ZNF292: variants seen among roughly 807,000 people sequenced by gnomAD.
ZNF292 encodes the protein zinc finger protein 292, also known as 16 zinc-finger domain protein.
Under a neutral mutation model 217.9 loss-of-function variants are expected in ZNF292, and 26 were observed. That is an observed-to-expected ratio of 0.12 (90% CI 0.09 to 0.17). The LOEUF is 0.17. Among genes scored for constraint, ZNF292 ranks in the 10% least tolerant of loss-of-function variants. The pLI, the probability that ZNF292 is intolerant of heterozygous loss-of-function variation, is 1.00. For synonymous variants in ZNF292, 1,257 were observed against 1,124.1 expected, an observed-to-expected ratio of 1.12 and a Z score of -2.37; for missense variants, 2,904 against 3,175.2, an observed-to-expected ratio of 0.91 and a Z score of 2.05.
At chr6:87,204,128 G>T (rs936652114) in intron 1 of ZNF292, among the ~76,000 whole-genome samples, 17 of 152,164 alleles carry the variant, frequency 1.1e-4, no homozygotes, top group African/African-American at 4.1e-4. Flanking sequence ...AAAATAGGTG[G>T]CCTATAATAA....
At chr6:87,178,002 C>T (rs1258487076) in intron 1 of ZNF292, among the ~76,000 whole-genome samples, 1 of 152,102 alleles carries the variant, frequency 6.6e-6, no homozygotes, top group African/African-American at 2.4e-5. Context: ...ATGTATCCTC[C>T]CTCACTTCTG....
chr6:87,170,042 T>C (rs559079086), intron 1 of ZNF292: 1 of 152,416 alleles, frequency 6.6e-6, no homozygotes, highest in East Asian at 1.9e-4. Context: ...TTTGCAAATA[T>C]GATAGATTTC....
intron 1 of ZNF292, among the ~76,000 whole-genome samples, chr6:87,199,883 C>G (rs974727718): frequency 6.6e-6 from 1 of 152,160 alleles, no homozygotes; most frequent in Non-Finnish European, 1.5e-5. Flanking sequence ...AATCAATCAC[C>G]TTTAAAGCTG....
At chr6:87,194,942 A>G (rs893236509) in intron 1 of ZNF292, among the ~76,000 whole-genome samples, 8 of 150,582 alleles carry the variant, frequency 5.3e-5, no homozygotes, top group Non-Finnish European at 1.0e-4. Flanking sequence ...GAAAAAAAAA[A>G]ACCTGTATTC....
rs1562179816 is a variant in ZNF292, at chr6:87,254,710, T to A, written c.1081T>A (p.Ser361Thr). The A allele has an allele frequency of 2.5e-6, 4 of 1,613,908 alleles. No homozygotes were observed. The highest frequency in any genetic ancestry group is 3.4e-6 in the Non-Finnish European group (4 of 1,179,824). Residue 361 changes from serine to threonine, a missense_variant, in exon 8 of 8, where the codon TCT becomes ACT. Around this residue, in one of 15 missense-constraint regions of ZNF292, gnomAD observed 313 missense variants for 451.0 expected, o/e 0.69. Coordinates refer to ENST00000369577, the MANE Select transcript of ZNF292 (RefSeq NM_015021.3). ...GTGTGTAAAGGCTCTTCGCTTGGAG[T>A]CTACAGAAAATACTGAAGTGAAAAT... The part of the protein sequence containing the change: ...ELCVKALRLE[S>T]TENTEVKISI...
chr6:87,261,052 A>G lies in ZNF292; in HGVS notation c.7423A>G (p.Lys2475Glu), dbSNP rs753298856. 7 of 1,604,264 alleles carry G rather than the reference A, an allele frequency of 4.4e-6. No homozygotes were observed. The highest frequency in any genetic ancestry group is 6.0e-6 in the Non-Finnish European group (7 of 1,174,928). The change falls in exon 8 of 8, where the codon AAA becomes GAA. Residue 2475 changes from lysine to glutamate, a missense_variant. Lys to Glu is a moderately conservative substitution (Grantham distance 56). Around this residue, in one of 15 missense-constraint regions of ZNF292, gnomAD observed 380 missense variants for 355.3 expected, o/e 1.07. Transcript: ENST00000369577. Reference sequence around the variant, plus strand: ...TACAGTTTCACAAAAGGAAGTTGAAAAAAATGAAAAAGATGAAATGGATGA... The same window carrying G: ...TACAGTTTCACAAAAGGAAGTTGAAGAAAATGAAAAAGATGAAATGGATGA... ...TATVSQKEVE[K>E]NEKDEMDELT...
At chr6:87,187,362 A>G (rs1052089880) in intron 1 of ZNF292, among the ~76,000 whole-genome samples, 1 of 152,208 alleles carries the variant, frequency 6.6e-6, no homozygotes, top group African/African-American at 2.4e-5. Context: ...ACTTTACTAA[A>G]TCTTAATGCT....
chr6:87,235,497 T>A (rs1178588618), intron 5 of ZNF292, among the ~76,000 whole-genome samples: 1 of 152,086 alleles, frequency 6.6e-6, no homozygotes, highest in Non-Finnish European at 1.5e-5. Flanking sequence ...AAACTGACTA[T>A]CTAAGCATAG....
chr6:87,247,191 C>G (rs1231797686), intron 7 of ZNF292, among the ~76,000 whole-genome samples: 4 of 149,304 alleles, frequency 2.7e-5, no homozygotes, highest in Non-Finnish European at 5.9e-5. Context: ...AAAAAAAGAT[C>G]TTGGGCCAGC....
At chr6:87,235,796 A>G (rs1316025455) in intron 5 of ZNF292, among the ~76,000 whole-genome samples, 7 of 152,080 alleles carry the variant, frequency 4.6e-5, no homozygotes, top group South Asian at 2.1e-4. Context: ...AAGACTTTTC[A>G]TGTTCATAAG....
rs575817245 is a variant in ZNF292 at position 87,155,808 on chromosome 6, A to G, written c.168+49A>G. 42 of 1,512,236 alleles carry G rather than the reference A, an allele frequency of 2.8e-5. No homozygotes were observed. The South Asian group carries it at 5.0e-4, about 18-fold the overall frequency. 93.7% of individuals were successfully genotyped at this position (1,512,236 alleles called of 1,614,324 possible). ...CCCCCTTTCCCCAGCTAGAGGGGGA[A>G]GAGGGCGAGCGAGCGCTAGGCGGCC... On this transcript the variant is annotated intron_variant, in intron 1 of 7. Transcript: ENST00000369577.
At chr6:87,233,626 GATC>G (rs1438959578) in intron 5 of ZNF292, 99 bp downstream of exon 5, 1 of 1,492,904 alleles carries the variant, frequency 6.7e-7, no homozygotes, top group Admixed American at 2.2e-5. Flanking sequence ...ATAGCGAAGA[GATC>G]ATTGTCAATC....
chr6:87,168,153 G>A (rs947577488), intron 1 of ZNF292, among the ~76,000 whole-genome samples: 54 of 152,284 alleles, frequency 3.5e-4, no homozygotes, highest in Admixed American at 1.3e-3. Flanking sequence ...CTTTACTAAC[G>A]ATGAATTGTT....
intron 5 of ZNF292, among the ~76,000 whole-genome samples, chr6:87,243,057 CTG>C (rs149159196): frequency 0.017 from 2,534 of 151,960 alleles, 61 homozygotes; most frequent in African/African-American, 0.057. Context: ...CTGTGTGTCT[CTG>C]TTGATTCTAA....
At chr6:87,181,107 C>T (rs542320264) in intron 1 of ZNF292, among the ~76,000 whole-genome samples, 4 of 152,244 alleles carry the variant, frequency 2.6e-5, no homozygotes, top group African/African-American at 4.8e-5. Context: ...CGTCTGCAGA[C>T]GGCTTTGAGT....
intron 1 of ZNF292, among the ~76,000 whole-genome samples, chr6:87,195,889 A>C (rs113830439): frequency 6.6e-6 from 1 of 151,896 alleles, no homozygotes; most frequent in African/African-American, 2.4e-5. Flanking sequence ...TTAGCCGGGC[A>C]TGGTGGCACA....
rs1161468527 is a variant in ZNF292, at chr6:87,155,617, A to C, written c.26A>C (p.Glu9Ala). 1 of 1,583,250 alleles carries C rather than the reference A, an allele frequency of 6.3e-7. No individual in the cohort carries two copies. Among genetic ancestry groups the C allele is most frequent in the Admixed American group, 1.8e-5 (1 of 54,844 alleles). The change falls in exon 1 of 8, where the codon GAG (glutamate) becomes GCG (alanine). Residue 9 changes from glutamate to alanine, a missense_variant. This residue lies in a region of ZNF292 where 66 missense variants were observed against 44.1 expected (regional missense o/e 1.50). Transcript: ENST00000369577. MADEEAEQ[E>A]RLSCGEGGCV... Reference sequence around the variant, plus strand: ...ATGGCGGACGAAGAGGCCGAGCAGGAGAGGTTGAGTTGCGGCGAAGGCGGC... The same window carrying C: ...ATGGCGGACGAAGAGGCCGAGCAGGCGAGGTTGAGTTGCGGCGAAGGCGGC...
At position 87,259,207 on chromosome 6, in the gene ZNF292, T is replaced by A. The variant is rs1775420506; in HGVS notation, c.5578T>A (p.Cys1860Ser). 1 of 1,613,600 alleles carries A rather than the reference T, an allele frequency of 6.2e-7. No homozygotes were observed. The highest frequency in any genetic ancestry group is 8.5e-7 in the Non-Finnish European group (1 of 1,179,712). The change falls in exon 8 of 8, where the codon TGT becomes AGT. Residue 1860 changes from cysteine (C) to serine (S), a missense_variant. Around this residue, in one of 15 missense-constraint regions of ZNF292, gnomAD observed 622 missense variants for 573.1 expected, o/e 1.09. Transcript: ENST00000369577. ...ENDLSTPASQ[C>S]VLINTSVTLT... ...TGACCTATCCACTCCAGCATCCCAA[T>A]GTGTACTGATAAATACATCAGTGAC...
At chr6:87,232,210 C>T (rs1036460207) in intron 4 of ZNF292, among the ~76,000 whole-genome samples, 1 of 151,964 alleles carries the variant, frequency 6.6e-6, no homozygotes, top group African/African-American at 2.4e-5. Context: ...GTTTTAATAC[C>T]AACGAGCCAT....
Sources: gnomAD v4.1 joint callset for allele counts (sites outside exome capture counted in the v4.1 genomes callset) on GRCh38, gnomAD v4.1.1 for gene constraint, gnomAD v4.1.1 regional missense constraint, MANE v1.5 for transcripts, NCBI Gene and HGNC (gene_info 2026-07-23, HGNC 2026-07-21) for gene names.